ZNF343: variants seen among roughly 807,000 people sequenced by gnomAD.
ZNF343 encodes the protein zinc finger protein 343.
ZNF343 carries 11 observed loss-of-function variants against 13.8 expected under a neutral mutation model. That is an observed-to-expected ratio of 0.80 (90% CI 0.50 to 1.32). ZNF343 has a LOEUF of 1.32. Among genes scored for constraint, ZNF343 ranks in the 40% most tolerant of loss-of-function variants. The pLI, the probability that ZNF343 is intolerant of heterozygous loss-of-function variation, is 0.00. For missense variants in ZNF343, 658 were observed against 714.2 expected (o/e 0.92, Z 0.90); for synonymous variants, 248 against 260.0 (o/e 0.95, Z 0.44).
intron 1 of ZNF343, among the ~76,000 whole-genome samples, chr20:2,506,635 G>A (rs1323366508): frequency 6.6e-6 from 1 of 152,204 alleles, no homozygotes; most frequent in South Asian, 2.1e-4. Flanking sequence ...ATGAGTTCAT[G>A]TCCTTTGTAG....
intron 2 of ZNF343, among the ~76,000 whole-genome samples, chr20:2,497,528 A>T (rs1363918428): frequency 6.6e-6 from 1 of 152,226 alleles, no homozygotes; most frequent in Non-Finnish European, 1.5e-5. Context: ...AAGACAGAGT[A>T]AAATAAAGAC....
chr20:2,494,096 T>C (rs1475768616), intron 2 of ZNF343, 52 bp from the exon 3 acceptor site: 2 of 531,542 alleles, frequency 3.8e-6, no homozygotes, highest in Non-Finnish European at 6.8e-6. Flanking sequence ...TTGTGGGCCC[T>C]AGGCCTATGC....
chr20:2,506,546 A>C (rs1224712172), intron 1 of ZNF343, among the ~76,000 whole-genome samples: 5 of 152,192 alleles, frequency 3.3e-5, no homozygotes, highest in Admixed American at 3.3e-4. Flanking sequence ...GAACCAACCC[A>C]AATGTCCAAC....
chr20:2,511,721 C>T (rs2085739952), upstream of ZNF343, among the ~76,000 whole-genome samples: 1 of 152,170 alleles, frequency 6.6e-6, no homozygotes, highest in African/African-American at 2.4e-5. Context: ...TTACTTGCCC[C>T]TCGCCCTGCT....
rs564419837 is a variant in ZNF343, at chr20:2,492,586, G to A, written c.304+113C>T. The A allele has an allele frequency of 2.1e-4, 278 of 1,336,918 alleles. 1 individual carries two copies. The highest frequency in any genetic ancestry group is 2.8e-4 in the Non-Finnish European group (272 of 973,474). 82.8% of individuals were successfully genotyped at this position (1,336,918 alleles called of 1,614,324 possible). On this transcript the variant is annotated intron_variant, in intron 5 of 5. Transcript: ENST00000278772. Reference sequence around the variant, plus strand: ...TAAGCCCCATGGAGGCAGGGATTACGATTTTGTTTACTAATGTGTTGTAAG... The same window carrying A: ...TAAGCCCCATGGAGGCAGGGATTACAATTTTGTTTACTAATGTGTTGTAAG...
chr20:2,495,682 TTC>T (rs1243495155), intron 2 of ZNF343, among the ~76,000 whole-genome samples: 1 of 136,216 alleles, frequency 7.3e-6, no homozygotes, highest in South Asian at 2.3e-4. Flanking sequence ...TTTTTCTTTT[TTC>T]TTTTTTTTTT....
chr20:2,490,916 T>C (rs1175884449), intron 5 of ZNF343, among the ~76,000 whole-genome samples: 2 of 152,164 alleles, frequency 1.3e-5, no homozygotes, highest in African/African-American at 4.8e-5. Flanking sequence ...TGGATGAATC[T>C]ACAGTGATTT....
At chr20:2,515,535 G>T (rs557272534) in intron 1 of ZNF343, among the ~76,000 whole-genome samples, 6 of 152,148 alleles carry the variant, frequency 3.9e-5, no homozygotes, top group Admixed American at 2.6e-4. Flanking sequence ...CTTCTTTTTT[G>T]AACTACTACT....
At chr20:2,511,749 A>G (rs1433910295), upstream of ZNF343, among the ~76,000 whole-genome samples, 1 of 152,212 alleles carries the variant, frequency 6.6e-6, no homozygotes, top group Non-Finnish European at 1.5e-5. Context: ...CTGGCTCTTC[A>G]GCAGTCTCAA....
upstream of ZNF343, among the ~76,000 whole-genome samples, chr20:2,509,330 A>G (rs973288320): frequency 2.0e-5 from 3 of 152,198 alleles, no homozygotes; most frequent in East Asian, 5.8e-4. Context: ...ACCTTGCGTG[A>G]GCACTATGTA....
In ZNF343 at chr20:2,519,876, G is replaced by T. The variant is rs192469627; in HGVS notation, c.-347+4579C>A. Among the ~76,000 whole-genome samples the T allele has an allele frequency of 8.9e-4, 136 of 152,248 alleles. 1 individual carries two copies. The highest frequency in any genetic ancestry group is 1.5e-3 in the Non-Finnish European group (100 of 68,030). On this transcript the variant is annotated intron_variant, in intron 1 of 6. Transcript: ENST00000358413. ...TAGGGAGATGACTCTGATTTAAATT[G>T]CCTAGGTTCATCCTAATTTGTTGTA...
intron 5 of ZNF343, among the ~76,000 whole-genome samples, chr20:2,490,499 T>C (rs934314120): frequency 6.6e-6 from 1 of 151,854 alleles, no homozygotes; most frequent in Non-Finnish European, 1.5e-5. Context: ...GTGTGTGTGT[T>C]TGTTTGTTTG....
In ZNF343 at chr20:2,520,030, T is replaced by G. The variant is rs181711815; in HGVS notation, c.-347+4425A>C. Among the ~76,000 whole-genome samples, 83 of 152,346 alleles carry G rather than the reference T, an allele frequency of 5.4e-4. 1 individual carries two copies. Among genetic ancestry groups the G allele is most frequent in the Admixed American group, 5.4e-3 (83 of 15,292 alleles). ...CTGCTCTATCTGACCATTTCACACT[T>G]ATTAAGAGGGGAGAGTCTGTTTCTT... On this transcript the variant is annotated intron_variant, in intron 1 of 6. Transcript: ENST00000358413.
Position 2,483,040 on chromosome 20 carries a change from G to A in ZNF343, c.*121C>T. On this transcript the variant is annotated 3_prime_UTR_variant, in exon 6 of 6. Coordinates refer to ENST00000278772, the MANE Select transcript of ZNF343 (RefSeq NM_024325.6). ...CCTGATAAGGGCTGACACATCTCTG[G>A]AACTTCACTCACAATCTGTGTACAC... 1 of 1,228,308 alleles carries A rather than the reference G, an allele frequency of 8.1e-7. No individual in the cohort carries two copies. The allele number at this position is 1,228,308 out of a possible 1,614,324, so 76.1% of individuals were successfully genotyped here. A position where few individuals can be genotyped will look rare whatever the true frequency, so the allele number is the denominator to read the frequency against.
chr20:2,492,806 T>G lies in ZNF343; in HGVS notation c.197A>C (p.Asp66Ala). The change falls in exon 5 of 6, where the codon GAT (aspartate) becomes GCT (alanine). Residue 66 changes from aspartate to alanine, a missense_variant. Transcript: ENST00000278772. ...AQIVVPVTFRDVTVIFTEAEW... is the reference protein window; with the variant it reads ...AQIVVPVTFRAVTVIFTEAEW... The stretch of plus-strand genomic sequence containing the variant: ...TGCTTCTGTGAAGATCACAGTCACA[T>G]CCCTGAATGTAACTGGTACCTACAA... 6.2e-7 allele frequency: 1 copy of G among 1,613,630 alleles called. No individual in the cohort carries two copies. Among genetic ancestry groups the G allele is most frequent in the South Asian group, 1.1e-5 (1 of 91,068 alleles).
rs67601660 is a variant in ZNF343, at chr20:2,490,537, G to GTT, written c.304+2160_304+2161dup. Among the ~76,000 whole-genome samples, 1,045 of 124,628 alleles carry GTT rather than the reference G, an allele frequency of 8.4e-3. 30 individuals are homozygous for GTT. Among genetic ancestry groups the GTT allele is most frequent in the African/African-American group, 0.028 (943 of 33,546 alleles). The allele number at this position is 124,628 out of a possible 152,430, so 81.8% of individuals were successfully genotyped here. ...TGCTGTTTTATGGGTCTTTTTTTTG[G>GTT]TTTTTGTTTTTTTTTTTGAGATGGA... On this transcript the variant is annotated intron_variant, in intron 5 of 5. Coordinates refer to ENST00000278772, the MANE Select transcript of ZNF343 (RefSeq NM_024325.6).
chr20:2,514,387 G>A (rs572971727), intron 1 of ZNF343, among the ~76,000 whole-genome samples: 33 of 152,110 alleles, frequency 2.2e-4, no homozygotes, highest in Non-Finnish European at 4.1e-4. Flanking sequence ...AGCTTGAATC[G>A]CCTGTGTTCT....
Position 2,518,139 on chromosome 20 carries a change from G to C in ZNF343, c.-347+6316C>G, listed in dbSNP as rs184788128. Reference sequence around the variant, plus strand: ...AGTGATTCCCCTTCCTCAGCTTTCTGAGTAGCTGGGATTACAGGCGCGTGC... The same window carrying C: ...AGTGATTCCCCTTCCTCAGCTTTCTCAGTAGCTGGGATTACAGGCGCGTGC... On this transcript the variant is annotated intron_variant, in intron 1 of 6. Coordinates refer to the ZNF343 transcript ENST00000358413. The surrounding 1 kb of genome is among the most constrained non-coding windows in gnomAD (Gnocchi z 4.6). 1.6e-3 allele frequency among the ~76,000 whole-genome samples: 239 copies of C among 151,596 alleles called. No homozygotes were observed. The highest frequency in any genetic ancestry group is 5.2e-3 in the African/African-American group (213 of 41,298).
At chr20:2,493,426 G>A (rs529085685) in intron 4 of ZNF343, 93 bp downstream of exon 4, 8 of 1,234,280 alleles carry the variant, frequency 6.5e-6, no homozygotes, top group African/African-American at 3.0e-5. Context: ...GATGTTGACC[G>A]CCTTTTCCTT....
Sources: allele counts gnomAD v4.1 joint callset (sites outside exome capture counted in the v4.1 genomes callset), GRCh38; gene constraint gnomAD v4.1.1; non-coding constraint Gnocchi (gnomAD v3.1); transcripts MANE v1.5; gene names NCBI Gene and HGNC (gene_info 2026-07-23, HGNC 2026-07-21).